Variants in ULK4 observed in about 807,000 individuals in gnomAD.
ULK4 encodes unc-51 like kinase 4, also known as inactive serine/threonine-protein kinase ULK4.
A neutral mutation model predicts 160.6 loss-of-function variants in ULK4; 133 were observed. That is an observed-to-expected ratio of 0.83 (90% CI 0.72 to 0.96). The LOEUF (loss-of-function observed/expected upper bound fraction) is 0.96. Among genes scored for constraint, ULK4 ranks in the 40% least tolerant of loss-of-function variants. ULK4 has a pLI of 0.00. For missense variants in ULK4, 1,580 were observed against 1,499.5 expected, an observed-to-expected ratio of 1.05 and a Z score of -0.89; for synonymous variants, 534 against 539.8, an observed-to-expected ratio of 0.99 and a Z score of 0.15.
chr3:41,642,723 T>C (rs1223683529), intron 30 of ULK4, among the ~76,000 whole-genome samples: 4 of 152,326 alleles, frequency 2.6e-5, no homozygotes, highest in Admixed American at 6.5e-5. Flanking sequence ...GATGGCTGGG[T>C]CAAATGGTAT....
At chr3:41,721,362 A>ATATATAT (rs1553639902) in intron 22 of ULK4, among the ~76,000 whole-genome samples, 14 of 27,960 alleles carry the variant, frequency 5.0e-4, no homozygotes, top group Admixed American at 3.3e-3. Flanking sequence ...ATATATATAT[A>ATATATAT]TTTTTTTTTT....
At chr3:41,270,366 A>G (rs2125685380) in intron 35 of ULK4, among the ~76,000 whole-genome samples, 1 of 152,318 alleles carries the variant, frequency 6.6e-6, no homozygotes, top group African/African-American at 2.4e-5. Context: ...ATGTATGTCC[A>G]CAACTGTCCA....
intron 1 of ULK4, among the ~76,000 whole-genome samples, chr3:41,958,060 AAC>A (rs1700545470): frequency 6.6e-6 from 1 of 151,536 alleles, no homozygotes; most frequent in East Asian, 1.9e-4. Flanking sequence ...AAAAAAAAAA[AAC>A]CTTGTACACC....
At chr3:41,266,194 C>T (rs2079029366) in intron 35 of ULK4, among the ~76,000 whole-genome samples, 1 of 152,088 alleles carries the variant, frequency 6.6e-6, no homozygotes, top group Admixed American at 6.5e-5. Context: ...GTGGACAGGC[C>T]CAGCCAGAGC....
chr3:41,297,073 T>C (rs1050583645), intron 35 of ULK4, among the ~76,000 whole-genome samples: 1 of 152,194 alleles, frequency 6.6e-6, no homozygotes, highest in African/African-American at 2.4e-5. Context: ...GGCTATGTTC[T>C]GCTGCTATGG....
At chr3:41,731,676 G>GAA (rs371556781) in intron 22 of ULK4, among the ~76,000 whole-genome samples, 1 of 120,082 alleles carries the variant, frequency 8.3e-6, no homozygotes, top group Non-Finnish European at 1.9e-5. Context: ...AATTTTGGGG[G>GAA]AAAAAAAAAA....
At chr3:41,830,124 C>A (rs2041524835) in intron 18 of ULK4, among the ~76,000 whole-genome samples, 1 of 151,948 alleles carries the variant, frequency 6.6e-6, no homozygotes, top group African/African-American at 2.4e-5. Context: ...GAAAGGGGAA[C>A]ATCACTCTCT....
intron 34 of ULK4, among the ~76,000 whole-genome samples, chr3:41,430,249 T>C (rs1201401233): frequency 6.6e-6 from 1 of 152,324 alleles, no homozygotes; most frequent in East Asian, 1.9e-4. Flanking sequence ...AAGAAAATTG[T>C]CTACATAAAA....
At chr3:41,502,524 C>A (rs919661786) in intron 32 of ULK4, among the ~76,000 whole-genome samples, 1 of 152,008 alleles carries the variant, frequency 6.6e-6, no homozygotes, top group African/African-American at 2.4e-5. Context: ...TCTTTATTCA[C>A]AACAATATAT....
At chr3:41,590,389 G>A (rs1468664785) in intron 31 of ULK4, among the ~76,000 whole-genome samples, 1 of 148,756 alleles carries the variant, frequency 6.7e-6, no homozygotes. Flanking sequence ...GCTGAGGCGG[G>A]TGGATCACCT....
chr3:41,715,825 T>C (rs1352755009), intron 23 of ULK4, among the ~76,000 whole-genome samples: 1 of 149,192 alleles, frequency 6.7e-6, no homozygotes, highest in Non-Finnish European at 1.5e-5. Flanking sequence ...TAATAAATTA[T>C]TATAATAGAG....
chr3:41,474,401 A>C (rs939591812), intron 32 of ULK4, among the ~76,000 whole-genome samples: 1 of 152,270 alleles, frequency 6.6e-6, no homozygotes, highest in South Asian at 2.1e-4. Flanking sequence ...ACACTGAAAA[A>C]CCACTAGAAG....
At chr3:41,864,752 T>C (rs1052989917) in intron 17 of ULK4, among the ~76,000 whole-genome samples, 4 of 152,084 alleles carry the variant, frequency 2.6e-5, no homozygotes, top group African/African-American at 9.7e-5. Flanking sequence ...ATCCACTTCA[T>C]TTACATTTAT....
intron 5 of ULK4, among the ~76,000 whole-genome samples, chr3:41,929,058 A>G (rs1699489137): frequency 6.6e-6 from 1 of 152,176 alleles, no homozygotes; most frequent in African/African-American, 2.4e-5. Context: ...TTTCAGGCCA[A>G]TATCCCCGAT....
At chr3:41,752,570 C>T (rs576249257) in intron 22 of ULK4, among the ~76,000 whole-genome samples, 10 of 152,256 alleles carry the variant, frequency 6.6e-5, no homozygotes, top group African/African-American at 2.4e-4. Flanking sequence ...GTAATGACAT[C>T]CTGAAACACA....
chr3:41,797,081 A>G (rs1042146345), intron 20 of ULK4, among the ~76,000 whole-genome samples: 5 of 152,200 alleles, frequency 3.3e-5, no homozygotes, highest in African/African-American at 1.2e-4. Flanking sequence ...CCATGCTGAT[A>G]TGAATACGTA....
chr3:41,438,131 G>C (rs1003668982), intron 34 of ULK4, among the ~76,000 whole-genome samples: 14 of 148,026 alleles, frequency 9.5e-5, no homozygotes, highest in African/African-American at 3.3e-4. Flanking sequence ...AAAAAAGCAG[G>C]GTCAGGACAA....
intron 35 of ULK4, among the ~76,000 whole-genome samples, chr3:41,290,564 G>C (rs947102737): frequency 6.6e-6 from 1 of 151,752 alleles, no homozygotes; most frequent in African/African-American, 2.4e-5. Flanking sequence ...CTCTGTGGTG[G>C]TCTGAGTAAC....
intron 16 of ULK4, among the ~76,000 whole-genome samples, chr3:41,885,581 GA>G (rs746751417): frequency 4.6e-5 from 7 of 152,132 alleles, no homozygotes; most frequent in Non-Finnish European, 1.0e-4. Flanking sequence ...TGCCCTGACA[GA>G]AATGTCCCAC....
Sources: gnomAD v4.1 joint callset for allele counts (sites outside exome capture counted in the v4.1 genomes callset) on GRCh38, gnomAD v4.1.1 for gene constraint, MANE v1.5 for transcripts, NCBI Gene and HGNC (gene_info 2026-07-23, HGNC 2026-07-21) for gene names.